SEMA5A: variants seen among roughly 807,000 people sequenced by gnomAD.
The protein encoded by SEMA5A is semaphorin 5A, also known as semaphorin-5A.
In SEMA5A, 55 loss-of-function variants were observed where a neutral mutation model predicts 135.5. That is an observed-to-expected ratio of 0.41 (90% confidence interval 0.33 to 0.51). The LOEUF (loss-of-function observed/expected upper bound fraction) is 0.51, where lower values mean the gene tolerates loss of function less well. SEMA5A is among the 20% of genes least tolerant of loss of function. The pLI is 0.37. For synonymous variants in SEMA5A, 580 were observed against 546.5 expected (o/e 1.06, Z -0.85); for missense variants, 1,290 against 1,419.9 (o/e 0.91, Z 1.47).
At chr5:9,357,029 T>C (rs1457696490) in intron 3 of SEMA5A, among the ~76,000 whole-genome samples, 1 of 152,172 alleles carries the variant, frequency 6.6e-6, no homozygotes, top group African/African-American at 2.4e-5. Context: ...TGAAAAATCA[T>C]TTTCCTTCCT....
chr5:9,125,130 C>T (rs970220014), intron 13 of SEMA5A, among the ~76,000 whole-genome samples: 14 of 152,116 alleles, frequency 9.2e-5, no homozygotes, highest in Admixed American at 2.6e-4. Context: ...GAAAAGTGTT[C>T]GTTGTTTTTG....
chr5:9,054,170 G>T lies in SEMA5A; in HGVS notation c.2606C>A (p.Ser869Tyr). The stretch of plus-strand genomic sequence containing the variant: ...CCCTCCATAGGCCGGGGCTGGATTG[G>T]AGCAAGAGCGGGTCCTCATATAGTG... ...GGHYMRTRSC[S>Y]NPAPAYGGDI... Residue 869 changes from serine to tyrosine, a missense_variant, in exon 19 of 23, where the codon TCC becomes TAC. Ser to Tyr is a moderately radical substitution (Grantham distance 144). Coordinates refer to ENST00000382496, the MANE Select transcript of SEMA5A (RefSeq NM_003966.3). 6.2e-7 allele frequency: 1 copy of T among 1,614,022 alleles called. No individual in the cohort carries two copies. The highest frequency in any genetic ancestry group is 1.3e-5 in the African/African-American group (1 of 75,040).
chr5:9,537,434 C>T (rs1024678536), intron 1 of SEMA5A, among the ~76,000 whole-genome samples: 1 of 152,122 alleles, frequency 6.6e-6, no homozygotes, highest in African/African-American at 2.4e-5. Context: ...CCTACCTAAA[C>T]AGTATTTTAT....
chr5:9,058,487 T>C (rs1737012443), intron 18 of SEMA5A, among the ~76,000 whole-genome samples: 1 of 152,238 alleles, frequency 6.6e-6, no homozygotes, highest in Admixed American at 6.5e-5. Flanking sequence ...CTCAGATCCA[T>C]GTTTCTTTCA....
intron 2 of SEMA5A, among the ~76,000 whole-genome samples, chr5:9,419,909 T>C (rs1757407142): frequency 6.6e-6 from 1 of 152,154 alleles, no homozygotes; most frequent in Non-Finnish European, 1.5e-5. Context: ...AGAGAAAAGT[T>C]ATGTCTAGAG....
intron 16 of SEMA5A, among the ~76,000 whole-genome samples, chr5:9,091,811 C>T (rs1453544090): frequency 6.6e-6 from 1 of 152,148 alleles, no homozygotes; most frequent in Non-Finnish European, 1.5e-5. Context: ...CCAATGACAA[C>T]CCCTCTTATT....
At chr5:9,401,352 T>C (rs1214713558) in intron 2 of SEMA5A, among the ~76,000 whole-genome samples, 1 of 152,196 alleles carries the variant, frequency 6.6e-6, no homozygotes, top group Admixed American at 6.5e-5. Flanking sequence ...TAGTGCCATA[T>C]GTCAGCCAAA....
At chr5:9,061,469 C>T (rs1345957086) in intron 18 of SEMA5A, among the ~76,000 whole-genome samples, 1 of 152,022 alleles carries the variant, frequency 6.6e-6, no homozygotes, top group Admixed American at 6.6e-5. Context: ...AAGGCAGCCT[C>T]CCCAGTCACA....
At position 9,048,185 on chromosome 5, in the gene SEMA5A, C is replaced by T. The variant is rs562753000; in HGVS notation, c.2893+2225G>A. 9.2e-5 allele frequency among the ~76,000 whole-genome samples: 14 copies of T among 152,300 alleles called. No individual in the cohort carries two copies. The South Asian group carries it at 2.7e-3, about 29-fold the overall frequency. On this transcript the variant is annotated intron_variant, in intron 21 of 22. Coordinates refer to ENST00000382496, the MANE Select transcript of SEMA5A (RefSeq NM_003966.3). ...CAAGTGTGTTACCTAACCAGGGCTA[C>T]TGTGGCTCGAGCCTCCCGAACACAA...
At chr5:9,157,894 G>A (rs1469958568) in intron 11 of SEMA5A, among the ~76,000 whole-genome samples, 1 of 152,218 alleles carries the variant, frequency 6.6e-6, no homozygotes, top group Non-Finnish European at 1.5e-5. Flanking sequence ...GGACCCTGGT[G>A]GATCTTGCAA....
At chr5:9,508,108 A>G (rs1736002891) in intron 1 of SEMA5A, among the ~76,000 whole-genome samples, 1 of 152,200 alleles carries the variant, frequency 6.6e-6, no homozygotes, top group African/African-American at 2.4e-5. Context: ...GGGAAAGATG[A>G]GTCACTGTGA....
At chr5:9,520,095 T>A (rs1420912851) in intron 1 of SEMA5A, 1 of 152,276 alleles carries the variant, frequency 6.6e-6, no homozygotes, top group African/African-American at 2.4e-5. Flanking sequence ...GGAAGGCCCC[T>A]CACCTGGCCT....
chr5:9,458,410 A>G (rs1193863695), intron 1 of SEMA5A, among the ~76,000 whole-genome samples: 1 of 152,210 alleles, frequency 6.6e-6, no homozygotes, highest in African/African-American at 2.4e-5. Context: ...TGTAGAACCC[A>G]TAAACCCTAA....
intron 13 of SEMA5A, among the ~76,000 whole-genome samples, chr5:9,129,707 T>C (rs534162576): frequency 6.6e-6 from 1 of 152,360 alleles, no homozygotes; most frequent in Non-Finnish European, 1.5e-5. Flanking sequence ...ATGTGTATTA[T>C]ACTATTTAAT....
intron 5 of SEMA5A, among the ~76,000 whole-genome samples, chr5:9,299,569 GA>G (rs1751509254): frequency 1.3e-5 from 2 of 152,132 alleles, no homozygotes; most frequent in Non-Finnish European, 2.9e-5. Flanking sequence ...AGACTTGGCA[GA>G]AAATCTTCAC....
chr5:9,306,370 C>G (rs1268891418), intron 5 of SEMA5A, among the ~76,000 whole-genome samples: 1 of 152,172 alleles, frequency 6.6e-6, no homozygotes, highest in Admixed American at 6.5e-5. Flanking sequence ...TTTCCACAGA[C>G]TGGTCTTCCA....
intron 1 of SEMA5A, chr5:9,498,649 A>C (rs1735421935): frequency 6.6e-6 from 1 of 152,130 alleles, no homozygotes; most frequent in South Asian, 2.1e-4. Flanking sequence ...GGAACAGTAG[A>C]TCAGCCTCAT....
At chr5:9,481,259 T>G (rs1759866047) in intron 1 of SEMA5A, among the ~76,000 whole-genome samples, 1 of 152,180 alleles carries the variant, frequency 6.6e-6, no homozygotes, top group Non-Finnish European at 1.5e-5. Flanking sequence ...AACATAGTAT[T>G]AAATATACGT....
chr5:9,214,748 C>G (rs1332761688), intron 8 of SEMA5A, among the ~76,000 whole-genome samples: 1 of 152,198 alleles, frequency 6.6e-6, no homozygotes, highest in Non-Finnish European at 1.5e-5. Flanking sequence ...TGCTTTGTGC[C>G]TCTGTGCTCC....
Sources: allele counts gnomAD v4.1 joint callset (sites outside exome capture counted in the v4.1 genomes callset), GRCh38; gene constraint gnomAD v4.1.1; transcripts MANE v1.5; gene names NCBI Gene and HGNC (gene_info 2026-07-23, HGNC 2026-07-21).